Variants in SGCZ observed in about 807,000 individuals in gnomAD.
The protein encoded by SGCZ is sarcoglycan zeta, also known as zeta-sarcoglycan.
A neutral mutation model predicts 41.3 loss-of-function variants in SGCZ; 40 were observed. That is an observed-to-expected ratio of 0.97 (90% CI 0.75 to 1.26). The LOEUF (loss-of-function observed/expected upper bound fraction) is 1.26. Ranked by LOEUF, SGCZ falls within the 50% of genes most tolerant of loss-of-function variation. SGCZ has a pLI of 0.00. For synonymous variants in SGCZ, 206 were observed against 137.5 expected, an observed-to-expected ratio of 1.50 and a Z score of -3.49; for missense variants, 552 against 369.8, an observed-to-expected ratio of 1.49 and a Z score of -4.04.
chr8:14,513,866 C>T (rs1802535093), intron 2 of SGCZ, among the ~76,000 whole-genome samples: 1 of 151,850 alleles, frequency 6.6e-6, no homozygotes, highest in African/African-American at 2.4e-5. Flanking sequence ...TAACTACTCT[C>T]TGTGCATTTT....
At chr8:14,218,946 G>A (rs765057566) in intron 4 of SGCZ, among the ~76,000 whole-genome samples, 31 of 152,186 alleles carry the variant, frequency 2.0e-4, no homozygotes, top group Admixed American at 6.5e-5. Context: ...ACAGCTACAC[G>A]GAGAAATTGC....
intron 1 of SGCZ, among the ~76,000 whole-genome samples, chr8:15,000,207 C>G (rs75773307): frequency 6.6e-4 from 101 of 152,250 alleles, no homozygotes; most frequent in African/African-American, 2.4e-3. Flanking sequence ...GAAACCAACC[C>G]TGCCCAGCAC....
chr8:14,339,478 T>C (rs959715627), intron 2 of SGCZ, among the ~76,000 whole-genome samples: 1 of 152,236 alleles, frequency 6.6e-6, no homozygotes, highest in Non-Finnish European at 1.5e-5. Flanking sequence ...CCATCCATGC[T>C]CTTCCAAGCT....
intron 1 of SGCZ, among the ~76,000 whole-genome samples, chr8:15,098,914 C>CG (rs1806493064): frequency 6.6e-6 from 1 of 152,022 alleles, no homozygotes; most frequent in Admixed American, 6.6e-5. Context: ...AAAAATTAGC[C>CG]GGGGGTGGTG....
rs189146376 is a variant in SGCZ at position 14,527,457 on chromosome 8, C to T, written c.234+27275G>A. ...GCTGGGACTACAGATGTTGCCACCA[C>T]ACCCTTGTTAATTTTTAAACTATTT... On this transcript the variant is annotated intron_variant, in intron 2 of 7. Transcript: ENST00000382080. Among the ~76,000 whole-genome samples, 9 of 152,220 alleles carry T rather than the reference C, an allele frequency of 5.9e-5. No homozygotes were observed. In the East Asian group the frequency reaches 1.7e-3, roughly 30 times the overall value.
intron 1 of SGCZ, among the ~76,000 whole-genome samples, chr8:14,860,631 AAG>A (rs1803701142): frequency 6.6e-6 from 1 of 151,684 alleles, no homozygotes; most frequent in African/African-American, 2.4e-5. Flanking sequence ...GAAAAAGACA[AAG>A]AGAGAAAGAA....
chr8:14,312,220 T>C (rs1325658573), intron 3 of SGCZ, among the ~76,000 whole-genome samples: 1 of 152,208 alleles, frequency 6.6e-6, no homozygotes, highest in Non-Finnish European at 1.5e-5. Flanking sequence ...ACGTGTAAAA[T>C]GTGTTTCTTA....
chr8:14,878,768 C>G (rs1387190003), intron 1 of SGCZ, among the ~76,000 whole-genome samples: 1 of 152,172 alleles, frequency 6.6e-6, no homozygotes, highest in African/African-American at 2.4e-5. Context: ...ACACAAATCA[C>G]TCCACCTTAA....
intron 2 of SGCZ, among the ~76,000 whole-genome samples, chr8:14,525,070 T>C (rs1802898717): frequency 6.6e-6 from 1 of 151,172 alleles, no homozygotes; most frequent in African/African-American, 2.4e-5. Flanking sequence ...ATGATGATGA[T>C]AGATAGATAG....
At chr8:14,372,405 T>C (rs939365529) in intron 2 of SGCZ, among the ~76,000 whole-genome samples, 1 of 152,202 alleles carries the variant, frequency 6.6e-6, no homozygotes, top group Non-Finnish European at 1.5e-5. Context: ...TGCCAGATAA[T>C]CTTCTATGTT....
At chr8:14,732,084 G>A (rs956736979) in intron 1 of SGCZ, among the ~76,000 whole-genome samples, 1 of 152,172 alleles carries the variant, frequency 6.6e-6, no homozygotes, top group Non-Finnish European at 1.5e-5. Context: ...TGCTTCTGAA[G>A]TTAGCCTTAA....
chr8:14,545,261 A>G (rs957979506), intron 2 of SGCZ, among the ~76,000 whole-genome samples: 2 of 151,908 alleles, frequency 1.3e-5, no homozygotes, highest in Non-Finnish European at 1.5e-5. Flanking sequence ...ACCAACTGGC[A>G]ATAGAAAGGA....
intron 2 of SGCZ, among the ~76,000 whole-genome samples, chr8:14,369,371 G>A (rs181452706): frequency 4.6e-5 from 7 of 151,938 alleles, no homozygotes; most frequent in Admixed American, 3.9e-4. Flanking sequence ...CTCAATTTGA[G>A]CTTCTCTGAT....
chr8:14,574,853 T>G (rs1222208880), intron 1 of SGCZ, among the ~76,000 whole-genome samples: 4 of 152,124 alleles, frequency 2.6e-5, no homozygotes, highest in Non-Finnish European at 2.9e-5. Flanking sequence ...AATGCAAAAC[T>G]CATACAGTGA....
intron 2 of SGCZ, among the ~76,000 whole-genome samples, chr8:14,425,466 C>A (rs1253838364): frequency 6.6e-6 from 1 of 151,776 alleles, no homozygotes; most frequent in Non-Finnish European, 1.5e-5. Flanking sequence ...ACTAAAAATA[C>A]AAAAATTAGC....
At chr8:14,390,770 A>C (rs1804742525) in intron 2 of SGCZ, among the ~76,000 whole-genome samples, 1 of 152,062 alleles carries the variant, frequency 6.6e-6, no homozygotes, top group Admixed American at 6.6e-5. Flanking sequence ...TTTCATTGGC[A>C]GTATATTAGC....
At chr8:14,848,963 G>C (rs1157667398) in intron 1 of SGCZ, among the ~76,000 whole-genome samples, 2 of 152,020 alleles carry the variant, frequency 1.3e-5, no homozygotes, top group African/African-American at 4.8e-5. Context: ...TATGTAAAGA[G>C]CTGTCAAAAC....
intron 2 of SGCZ, among the ~76,000 whole-genome samples, chr8:14,388,031 G>C (rs1047260846): frequency 3.9e-5 from 6 of 152,130 alleles, no homozygotes; most frequent in African/African-American, 1.4e-4. Flanking sequence ...CACACAAGGT[G>C]ACTGTGCAGT....
At chr8:14,747,375 T>G (rs936081209) in intron 1 of SGCZ, among the ~76,000 whole-genome samples, 1 of 152,126 alleles carries the variant, frequency 6.6e-6, no homozygotes, top group Non-Finnish European at 1.5e-5. Flanking sequence ...ACTGGTGGCC[T>G]GGCCATATTT....
Sources: gnomAD v4.1 joint callset for allele counts (sites outside exome capture counted in the v4.1 genomes callset) on GRCh38, gnomAD v4.1.1 for gene constraint, MANE v1.5 for transcripts, NCBI Gene and HGNC (gene_info 2026-07-23, HGNC 2026-07-21) for gene names.